The following RAP1GAP variants were observed in gnomAD, a reference collection of about 807,000 sequenced individuals.
The protein encoded by RAP1GAP is rap1 GTPase-activating protein 1.
A neutral mutation model predicts 87.2 loss-of-function variants in RAP1GAP; 35 were observed. The observed-to-expected ratio is 0.40, with a 90% CI of 0.31 to 0.53. RAP1GAP has a LOEUF of 0.53. Ranked by LOEUF, RAP1GAP falls within the 20% of genes least tolerant of loss-of-function variation. The pLI, the probability that RAP1GAP is intolerant of heterozygous loss-of-function variation, is 0.48. For missense variants in RAP1GAP, 734 were observed against 898.9 expected, an observed-to-expected ratio of 0.82 and a Z score of 2.35; for synonymous variants, 375 against 363.9, an observed-to-expected ratio of 1.03 and a Z score of -0.35.
intron 2 of RAP1GAP, among the ~76,000 whole-genome samples, chr1:21,645,406 G>A (rs1321529974): frequency 6.6e-6 from 1 of 152,086 alleles, no homozygotes; most frequent in Non-Finnish European, 1.5e-5. Context: ...CTTGAGCCCA[G>A]GAGGTCGAGG....
chr1:21,610,124 T>A lies in RAP1GAP; in HGVS notation c.995A>T (p.Tyr332Phe), dbSNP rs1275036399. 5.0e-6 allele frequency: 8 copies of A among 1,613,724 alleles called. No homozygotes were observed. Among genetic ancestry groups the A allele is most frequent in the Non-Finnish European group, 6.8e-6 (8 of 1,179,874 alleles). ...GGAGGCTCCAAGAGCGCCCACCTTG[T>A]AGAGGGGGCCATCAGGGCCCCCGCC... ...AEGGGPDGPL[Y>F]KVSVTARDDV... Residue 332 changes from tyrosine to phenylalanine, a missense_variant, in exon 14 of 25, where the codon TAC (tyrosine) becomes TTC (phenylalanine). Tyr to Phe is a conservative substitution (Grantham distance 22). Around this residue, in one of 2 missense-constraint regions of RAP1GAP, gnomAD observed 485 missense variants for 646.2 expected, o/e 0.75. Coordinates refer to ENST00000374765, the MANE Select transcript of RAP1GAP (RefSeq NM_002885.4).
chr1:21,629,423 G>A lies in RAP1GAP; in HGVS notation c.-112-3026C>T, dbSNP rs142539064. Among the ~76,000 whole-genome samples, 460 of 152,280 alleles carry A rather than the reference G, an allele frequency of 3.0e-3. 1 individual carries two copies. The highest frequency in any genetic ancestry group is 5.2e-3 in the South Asian group (25 of 4,822). On this transcript the variant is annotated intron_variant, in intron 2 of 24. Coordinates refer to ENST00000374765, the MANE Select transcript of RAP1GAP (RefSeq NM_002885.4). ...GTAGGTGTCCATTTCACTCAGGATT[G>A]CTCATGTGGGTGCAGAACCAGAGCG...
chr1:21,611,677 A>G (rs1446609905), intron 12 of RAP1GAP, 39 bp downstream of exon 12: 1 of 1,612,414 alleles, frequency 6.2e-7, no homozygotes. Flanking sequence ...CAGGAGCACA[A>G]GTCAGATTAC....
intron 20 of RAP1GAP, 70 bp from the exon 21 acceptor site, chr1:21,599,687 T>G: frequency 6.5e-7 from 1 of 1,548,768 alleles, no homozygotes; most frequent in Admixed American, 1.8e-5. Context: ...CTCACTCCCT[T>G]GCCCTCCCCA....
intron 3 of RAP1GAP, among the ~76,000 whole-genome samples, chr1:21,624,326 T>C (rs2150144185): frequency 6.6e-6 from 1 of 152,274 alleles, no homozygotes; most frequent in Middle Eastern, 3.4e-3. Flanking sequence ...AATTTCTACT[T>C]TCCAAAGTAC....
chr1:21,635,049 C>CTGG (rs2094458070), intron 2 of RAP1GAP, among the ~76,000 whole-genome samples: 1 of 152,234 alleles, frequency 6.6e-6, no homozygotes, highest in Non-Finnish European at 1.5e-5. Context: ...ATGCTAATCT[C>CTGG]CATTCTGCCT....
chr1:21,656,160 C>T (rs991203528), intron 1 of RAP1GAP, among the ~76,000 whole-genome samples: 5 of 152,156 alleles, frequency 3.3e-5, no homozygotes, highest in African/African-American at 7.2e-5. Context: ...GGGCTGGGCG[C>T]GGTGGCTCAC....
intron 13 of RAP1GAP, among the ~76,000 whole-genome samples, chr1:21,611,173 G>C (rs561637897): frequency 3.9e-5 from 6 of 152,164 alleles, no homozygotes; most frequent in Non-Finnish European, 7.4e-5. Flanking sequence ...TAAAACACCA[G>C]CTCAGATCTG....
At chr1:21,616,881 A>C (rs2082512668) in intron 7 of RAP1GAP, among the ~76,000 whole-genome samples, 1 of 152,208 alleles carries the variant, frequency 6.6e-6, no homozygotes. Context: ...TTTGTCCCAG[A>C]CACCACTGTA....
chr1:21,666,548 C>T (rs3753778), intron 1 of RAP1GAP, among the ~76,000 whole-genome samples: 51,963 of 151,924 alleles, frequency 0.34, 9,246 homozygotes, highest in East Asian at 0.52. Flanking sequence ...TGGGAAGCAC[C>T]AGGCAGTTTC....
intron 1 of RAP1GAP, among the ~76,000 whole-genome samples, chr1:21,665,787 C>T (rs571148132): frequency 6.6e-5 from 10 of 152,326 alleles, no homozygotes; most frequent in African/African-American, 2.2e-4. Flanking sequence ...GTGGCCGCCC[C>T]AAGAAGCCCT....
At chr1:21,628,178 G>T (rs2092816676) in intron 2 of RAP1GAP, among the ~76,000 whole-genome samples, 3 of 152,182 alleles carry the variant, frequency 2.0e-5, no homozygotes, top group Admixed American at 2.0e-4. Flanking sequence ...CCTACGCACA[G>T]GTTCCTGCAT....
chr1:21,621,769 T>C (rs2149979495), intron 3 of RAP1GAP, among the ~76,000 whole-genome samples: 1 of 152,038 alleles, frequency 6.6e-6, no homozygotes, highest in Admixed American at 6.5e-5. Context: ...TGCATTAATG[T>C]CCCCCATTAA....
Position 21,609,638 on chromosome 1 carries a change from G to A in RAP1GAP, c.1008C>T (p.Val336=). Reference sequence around the variant, plus strand: ...AGAAGGGCACATCATCTCTTGCAGTGACAGAGACCTGGAAGGGAGGGCAGC... The same window carrying A: ...AGAAGGGCACATCATCTCTTGCAGTAACAGAGACCTGGAAGGGAGGGCAGC... The part of the protein sequence containing the change: ...GPDGPLYKVS[V]TARDDVPFFG... Residue 336 remains valine, a synonymous_variant, in exon 15 of 25, where the codon GTC becomes GTT. Coordinates refer to ENST00000374765, the MANE Select transcript of RAP1GAP (RefSeq NM_002885.4). The surrounding 1 kb of genome is among the most constrained non-coding windows in gnomAD (Gnocchi z 4.4). 2 of 1,579,220 alleles carry A rather than the reference G, an allele frequency of 1.3e-6. No individual in the cohort carries two copies. The highest frequency in any genetic ancestry group is 1.7e-6 in the Non-Finnish European group (2 of 1,162,884).
intron 2 of RAP1GAP, among the ~76,000 whole-genome samples, chr1:21,638,020 G>A (rs2095063109): frequency 6.7e-6 from 1 of 150,166 alleles, no homozygotes; most frequent in Non-Finnish European, 1.5e-5. Context: ...GTATGGTGGT[G>A]CATGCCTGTA....
chr1:21,630,937 TC>T (rs2093603722), intron 2 of RAP1GAP, among the ~76,000 whole-genome samples: 1 of 152,074 alleles, frequency 6.6e-6, no homozygotes, highest in African/African-American at 2.4e-5. Flanking sequence ...TCACGTCCTT[TC>T]CTGCTCAGCC....
rs371979811 is a variant in RAP1GAP at position 21,610,825 on chromosome 1, G to A, written c.844-550C>T. On this transcript the variant is annotated intron_variant, in intron 13 of 24. Transcript: ENST00000374765. Reference sequence around the variant, plus strand: ...AAATGAACACAGACCCTTAGTAAACGAAAGTCAAAAGACACTAAAAATAAG... The same window carrying A: ...AAATGAACACAGACCCTTAGTAAACAAAAGTCAAAAGACACTAAAAATAAG... Among the ~76,000 whole-genome samples the A allele has an allele frequency of 6.6e-5, 10 of 152,256 alleles. 1 individual carries two copies. Among genetic ancestry groups the A allele is most frequent in the African/African-American group, 2.2e-4 (9 of 41,546 alleles).
chr1:21,606,007 A>T, intron 18 of RAP1GAP, 59 bp downstream of exon 18: 1 of 1,520,882 alleles, frequency 6.6e-7, no homozygotes, highest in Non-Finnish European at 8.8e-7. Context: ...CAGGAGGCAG[A>T]GGAGAGCTGA....
At chr1:21,624,564 A>C (rs373003039) in intron 3 of RAP1GAP, among the ~76,000 whole-genome samples, 1 of 152,014 alleles carries the variant, frequency 6.6e-6, no homozygotes. Context: ...TCAGCCCAGC[A>C]CTGGCTTGCT....
Sources: allele counts gnomAD v4.1 joint callset (sites outside exome capture counted in the v4.1 genomes callset), GRCh38; gene constraint gnomAD v4.1.1; regional missense constraint gnomAD v4.1.1; non-coding constraint Gnocchi (gnomAD v3.1); transcripts MANE v1.5; gene names NCBI Gene and HGNC (gene_info 2026-07-23, HGNC 2026-07-21).